KCND2: variants seen among roughly 807,000 people sequenced by gnomAD.
KCND2 encodes the protein potassium voltage-gated channel subfamily D member 2, also known as A-type voltage-gated potassium channel KCND2.
KCND2 carries 16 observed loss-of-function variants against 54.4 expected under a neutral mutation model. The observed-to-expected ratio is 0.29, with a 90% CI of 0.20 to 0.45. KCND2 has a LOEUF of 0.45. Among genes scored for constraint, KCND2 ranks in the 20% least tolerant of loss-of-function variants. The pLI is 1.00. For missense variants in KCND2, 486 were observed against 824.2 expected (o/e 0.59, Z 5.02); for synonymous variants, 317 against 310.7 (o/e 1.02, Z -0.21).
At chr7:120,629,361 C>T (rs1439461082) in intron 1 of KCND2, among the ~76,000 whole-genome samples, 2 of 152,138 alleles carry the variant, frequency 1.3e-5, no homozygotes, top group East Asian at 3.9e-4. Context: ...TGGCTGACGC[C>T]TGTAGTCCCA....
chr7:120,512,192 G>A (rs1161827251), intron 1 of KCND2, among the ~76,000 whole-genome samples: 2 of 151,856 alleles, frequency 1.3e-5, no homozygotes, highest in Admixed American at 1.3e-4. Context: ...AAAACACAAT[G>A]TTTAAGTGCC....
intron 1 of KCND2, among the ~76,000 whole-genome samples, chr7:120,651,709 A>G (rs926320360): frequency 1.3e-5 from 2 of 151,996 alleles, no homozygotes; most frequent in East Asian, 1.9e-4. Context: ...TGTGTCACTC[A>G]TGCTGGGGGC....
chr7:120,646,794 T>A (rs1186635341), intron 1 of KCND2, among the ~76,000 whole-genome samples: 1 of 152,370 alleles, frequency 6.6e-6, no homozygotes, highest in East Asian at 1.9e-4. Flanking sequence ...CAGACCATAT[T>A]CCTTTAGAAA....
intron 1 of KCND2, among the ~76,000 whole-genome samples, chr7:120,602,054 C>T (rs767764066): frequency 1.6e-4 from 25 of 152,098 alleles, no homozygotes; most frequent in Non-Finnish European, 3.1e-4. Flanking sequence ...CTCTTCCCTA[C>T]GAACTGAAAA....
intron 1 of KCND2, among the ~76,000 whole-genome samples, chr7:120,618,168 T>C (rs1322358422): frequency 6.6e-6 from 1 of 151,976 alleles, no homozygotes; most frequent in Non-Finnish European, 1.5e-5. Flanking sequence ...AAATAAAAGT[T>C]GAAATAAAAG....
At chr7:120,723,974 C>T (rs12538990) in intron 1 of KCND2, among the ~76,000 whole-genome samples, 45,121 of 151,900 alleles carry the variant, frequency 0.3, 7,499 homozygotes, top group East Asian at 0.44. Flanking sequence ...TTTAGAAAAA[C>T]TGAGGTGGTG....
chr7:120,547,551 T>C (rs920379126), intron 1 of KCND2, among the ~76,000 whole-genome samples: 21 of 152,100 alleles, frequency 1.4e-4, no homozygotes, highest in African/African-American at 4.8e-4. Context: ...TTCCCTCCAA[T>C]TTCTCTCTGT....
At chr7:120,327,061 C>A (rs539370521) in intron 1 of KCND2, among the ~76,000 whole-genome samples, 1 of 152,158 alleles carries the variant, frequency 6.6e-6, no homozygotes, top group African/African-American at 2.4e-5. Context: ...GACAATAAGT[C>A]TTTCTTACAC....
At chr7:120,594,402 G>T (rs1792708784) in intron 1 of KCND2, among the ~76,000 whole-genome samples, 1 of 152,160 alleles carries the variant, frequency 6.6e-6, no homozygotes, top group African/African-American at 2.4e-5. Context: ...GTAAGTTCAG[G>T]ATCAGGATGC....
At chr7:120,641,859 A>T (rs908492268) in intron 1 of KCND2, among the ~76,000 whole-genome samples, 2 of 108,024 alleles carry the variant, frequency 1.9e-5, no homozygotes, top group Admixed American at 2.2e-4. Context: ...AAAGATAATA[A>T]AAAAAAAAGA....
chr7:120,661,421 G>A (rs1791864263), intron 1 of KCND2, among the ~76,000 whole-genome samples: 1 of 152,098 alleles, frequency 6.6e-6, no homozygotes, highest in South Asian at 2.1e-4. Flanking sequence ...GGCCAAAGCA[G>A]ATGGATCACC....
intron 2 of KCND2, among the ~76,000 whole-genome samples, chr7:120,741,229 G>A (rs1792937239): frequency 2.0e-5 from 3 of 151,948 alleles, no homozygotes; most frequent in Admixed American, 2.0e-4. Flanking sequence ...AAGTAATACT[G>A]CTATTTTTAT....
chr7:120,392,629 A>G (rs1801094875), intron 1 of KCND2, among the ~76,000 whole-genome samples: 1 of 151,844 alleles, frequency 6.6e-6, no homozygotes, highest in Non-Finnish European at 1.5e-5. Context: ...TTTTATGTAA[A>G]AGTACGTTTT....
intron 1 of KCND2, among the ~76,000 whole-genome samples, chr7:120,598,799 G>T (rs1437492148): frequency 6.6e-6 from 1 of 152,212 alleles, no homozygotes; most frequent in East Asian, 1.9e-4. Flanking sequence ...GTCTTTTAAA[G>T]ATAAATGTTT....
At chr7:120,547,550 A>G (rs374125540) in intron 1 of KCND2, among the ~76,000 whole-genome samples, 7 of 151,846 alleles carry the variant, frequency 4.6e-5, no homozygotes, top group East Asian at 1.9e-4. Flanking sequence ...GTTCCCTCCA[A>G]TTTCTCTCTG....
intron 1 of KCND2, among the ~76,000 whole-genome samples, chr7:120,709,831 C>A (rs1792516714): frequency 6.6e-6 from 1 of 152,092 alleles, no homozygotes; most frequent in Non-Finnish European, 1.5e-5. Flanking sequence ...CATGGGTTCT[C>A]CAGAATTCTG....
chr7:120,640,174 T>C (rs1158316324), intron 1 of KCND2, among the ~76,000 whole-genome samples: 3 of 152,158 alleles, frequency 2.0e-5, no homozygotes, highest in Non-Finnish European at 4.4e-5. Flanking sequence ...TTCACTGAAA[T>C]TTATTGTCCT....
At chr7:120,554,666 C>T (rs1792141397) in intron 1 of KCND2, among the ~76,000 whole-genome samples, 3 of 152,102 alleles carry the variant, frequency 2.0e-5, no homozygotes, top group African/African-American at 7.2e-5. Context: ...CCTCGGCCTC[C>T]CAAAGTGCTG....
At chr7:120,615,884 A>G (rs1466380217) in intron 1 of KCND2, among the ~76,000 whole-genome samples, 6 of 152,162 alleles carry the variant, frequency 3.9e-5, no homozygotes, top group Admixed American at 3.9e-4. Flanking sequence ...AACTCTTCTA[A>G]AAGAACCGTT....
Sources: allele counts gnomAD v4.1 joint callset (sites outside exome capture counted in the v4.1 genomes callset), GRCh38; gene constraint gnomAD v4.1.1; transcripts MANE v1.5; gene names NCBI Gene and HGNC (gene_info 2026-07-23, HGNC 2026-07-21).